The following LCT variants were observed in gnomAD, a reference collection of about 807,000 sequenced individuals.
LCT encodes the protein lactase/phlorizin hydrolase.
In LCT, 90 loss-of-function variants were observed where a neutral mutation model predicts 173.0. That is an observed-to-expected ratio of 0.52 (90% confidence interval 0.44 to 0.62). The LOEUF is 0.62. Ranked by LOEUF, LCT falls within the 20% of genes least tolerant of loss-of-function variation. The pLI is 0.00. For synonymous variants in LCT, 853 were observed against 957.6 expected (o/e 0.89, Z 2.02); for missense variants, 1,864 against 2,431.4 (o/e 0.77, Z 4.91).
intron 9 of LCT, among the ~76,000 whole-genome samples, chr2:135,806,436 A>G (rs2077675897): frequency 6.6e-6 from 1 of 152,254 alleles, no homozygotes; most frequent in African/African-American, 2.4e-5. Flanking sequence ...TTAAGTGTGC[A>G]GTGTTCATAA....
At chr2:135,825,347 C>A (rs536480023) in intron 3 of LCT, among the ~76,000 whole-genome samples, 1 of 152,214 alleles carries the variant, frequency 6.6e-6, no homozygotes, top group African/African-American at 2.4e-5. Flanking sequence ...CCCATGACTG[C>A]GCAGTTAGTG....
intron 3 of LCT, among the ~76,000 whole-genome samples, chr2:135,826,647 G>C (rs1219119901): frequency 6.6e-6 from 1 of 152,172 alleles, no homozygotes; most frequent in East Asian, 1.9e-4. Context: ...TGCCTCTGCT[G>C]CCTGTCAGAG....
intron 3 of LCT, among the ~76,000 whole-genome samples, chr2:135,829,361 A>G (rs1477910619): frequency 6.6e-6 from 1 of 152,154 alleles, no homozygotes; most frequent in African/African-American, 2.4e-5. Flanking sequence ...CAGAGGATCT[A>G]TGTAAATATT....
At chr2:135,797,297 G>A (rs1386080374) in intron 13 of LCT, among the ~76,000 whole-genome samples, 3 of 152,102 alleles carry the variant, frequency 2.0e-5, no homozygotes, top group East Asian at 3.9e-4. Context: ...GGCGTCTAGG[G>A]GCAGGACTCA....
chr2:135,802,118 G>A (rs1410148439), intron 11 of LCT, among the ~76,000 whole-genome samples: 1 of 152,188 alleles, frequency 6.6e-6, no homozygotes, highest in Non-Finnish European at 1.5e-5. Flanking sequence ...TGTGTTGAAG[G>A]AGTGTAAACC....
At chr2:135,827,768 T>A (rs1575348287) in intron 3 of LCT, among the ~76,000 whole-genome samples, 1 of 152,284 alleles carries the variant, frequency 6.6e-6, no homozygotes, top group South Asian at 2.1e-4. Context: ...GCCACTCACC[T>A]CCTGCTGTGC....
intron 13 of LCT, 92 bp from the exon 14 acceptor site, chr2:135,794,867 A>AAG: frequency 6.9e-7 from 1 of 1,444,512 alleles, no homozygotes; most frequent in Non-Finnish European, 9.7e-7. Flanking sequence ...GAGCTCTCCG[A>AAG]ACCCCAGGCA....
chr2:135,836,050 G>C (rs1679359283), intron 1 of LCT, among the ~76,000 whole-genome samples: 1 of 123,440 alleles, frequency 8.1e-6, no homozygotes, highest in African/African-American at 3.4e-5. Flanking sequence ...ATTGTGTCTT[G>C]CTCTGTCGCA....
intron 10 of LCT, 47 bp downstream of exon 10, chr2:135,804,720 G>A (rs943099529): frequency 1.9e-6 from 3 of 1,567,526 alleles, no homozygotes; most frequent in Non-Finnish European, 2.6e-6. Context: ...AGCCCTGCTG[G>A]TTCCTGCATG....
chr2:135,819,285 C>G (rs1045415676), intron 5 of LCT, among the ~76,000 whole-genome samples: 5 of 152,184 alleles, frequency 3.3e-5, no homozygotes, highest in Admixed American at 1.3e-4. Context: ...TTTCCTCCCT[C>G]CCACTCTCCT....
chr2:135,829,723 A>G, intron 2 of LCT, 47 bp from the exon 3 acceptor site: 2 of 1,243,492 alleles, frequency 1.6e-6, no homozygotes, highest in Non-Finnish European at 2.4e-6. Context: ...AGCACTGTCA[A>G]GACTAACAGC....
chr2:135,824,724 C>T (rs373548266), intron 3 of LCT, among the ~76,000 whole-genome samples: 5 of 151,972 alleles, frequency 3.3e-5, no homozygotes, highest in African/African-American at 9.7e-5. Flanking sequence ...AGCAGCCCAG[C>T]GGGTGTGGTG....
chr2:135,818,507 A>G (rs1354060532), intron 5 of LCT, among the ~76,000 whole-genome samples: 1 of 152,236 alleles, frequency 6.6e-6, no homozygotes, highest in Non-Finnish European at 1.5e-5. Context: ...GGGTACTACA[A>G]TGATTTATCC....
At chr2:135,797,102 C>T (rs541864425) in intron 13 of LCT, among the ~76,000 whole-genome samples, 2 of 152,196 alleles carry the variant, frequency 1.3e-5, no homozygotes, top group Non-Finnish European at 2.9e-5. Context: ...CCCCCGCCAC[C>T]GCACCCAGCT....
chr2:135,821,377 A>G lies in LCT; in HGVS notation c.986+643T>C, dbSNP rs141608511. On this transcript the variant is annotated intron_variant, in intron 5 of 16. Coordinates refer to ENST00000264162, the MANE Select transcript of LCT (RefSeq NM_002299.4). ...CCAGGGAGGATGTTTCACCCTTCAT[A>G]TTGAGGAAATGGGCACAGAGAACCC... Among the ~76,000 whole-genome samples, 145 of 152,254 alleles carry G rather than the reference A, an allele frequency of 9.5e-4. 1 individual carries two copies. The highest frequency in any genetic ancestry group is 3.2e-3 in the African/African-American group (135 of 41,548).
chr2:135,794,855 G>A, intron 13 of LCT, 80 bp from the exon 14 acceptor site: 2 of 1,559,370 alleles, frequency 1.3e-6, no homozygotes, highest in African/African-American at 1.4e-5. Context: ...GCTGGGGCGG[G>A]GGAGCTCTCC....
intron 6 of LCT, among the ~76,000 whole-genome samples, chr2:135,814,417 T>C (rs1396801482): frequency 6.6e-6 from 1 of 152,054 alleles, no homozygotes; most frequent in Non-Finnish European, 1.5e-5. Context: ...GCTAATGACA[T>C]GATATCAAGT....
chr2:135,799,488 T>C (rs1016576774), intron 12 of LCT, among the ~76,000 whole-genome samples: 17 of 152,080 alleles, frequency 1.1e-4, no homozygotes, highest in African/African-American at 4.1e-4. Flanking sequence ...CCTTTTTTTT[T>C]TTTTTTGGAG....
intron 1 of LCT, among the ~76,000 whole-genome samples, chr2:135,835,240 G>A (rs2077976342): frequency 6.6e-6 from 1 of 151,804 alleles, no homozygotes; most frequent in South Asian, 2.1e-4. Context: ...ATGCTTTCAA[G>A]TTTTTCTTTT....
Sources: gnomAD v4.1 joint callset for allele counts (sites outside exome capture counted in the v4.1 genomes callset) on GRCh38, gnomAD v4.1.1 for gene constraint, MANE v1.5 for transcripts, NCBI Gene and HGNC (gene_info 2026-07-23, HGNC 2026-07-21) for gene names.